Variants in EXOC4 observed in about 807,000 individuals in gnomAD.
EXOC4 encodes SEC8-like 1.
A neutral mutation model predicts 107.2 loss-of-function variants in EXOC4; 71 were observed. The ratio of observed to expected loss-of-function variants is 0.66; its 90% CI spans 0.55 to 0.81. The LOEUF (loss-of-function observed/expected upper bound fraction) is 0.81, where lower values mean the gene tolerates loss of function less well. EXOC4 is among the 30% of genes least tolerant of loss of function. The pLI, the probability that EXOC4 is intolerant of heterozygous loss-of-function variation, is 0.00. For missense variants in EXOC4, 1,108 were observed against 1,189.6 expected, an observed-to-expected ratio of 0.93 and a Z score of 1.01; for synonymous variants, 456 against 441.2, an observed-to-expected ratio of 1.03 and a Z score of -0.42.
intron 11 of EXOC4, among the ~76,000 whole-genome samples, chr7:133,822,603 A>T (rs1563013830): frequency 6.6e-6 from 1 of 152,210 alleles, no homozygotes; most frequent in Non-Finnish European, 1.5e-5. Context: ...TGATTTGTAT[A>T]TACATTAGAG....
chr7:134,085,435 G>T, the EXOC4 span, among the ~76,000 whole-genome samples: 1 of 152,052 alleles, frequency 6.6e-6, no homozygotes, highest in Admixed American at 6.6e-5. Context: ...ATCTTGGTAA[G>T]AATAGCAAAA....
intron 14 of EXOC4, among the ~76,000 whole-genome samples, chr7:133,942,071 C>G (rs565613233): frequency 6.6e-6 from 1 of 152,084 alleles, no homozygotes; most frequent in Non-Finnish European, 1.5e-5. Flanking sequence ...TCTTTTGCAT[C>G]TTATCCTCTT....
the EXOC4 span, among the ~76,000 whole-genome samples, chr7:134,089,364 C>CAAAA: frequency 1.3e-5 from 2 of 152,188 alleles, no homozygotes; most frequent in African/African-American, 4.8e-5. Flanking sequence ...GCATGTAAAA[C>CAAAA]TGTTTTTTAA....
chr7:133,726,005 A>C (rs1197626887), intron 10 of EXOC4, among the ~76,000 whole-genome samples: 1 of 152,228 alleles, frequency 6.6e-6, no homozygotes, highest in Non-Finnish European at 1.5e-5. Context: ...CTTGGATAGA[A>C]GCAGATTTGG....
intron 17 of EXOC4, among the ~76,000 whole-genome samples, chr7:134,058,682 A>G (rs1159469452): frequency 6.7e-6 from 1 of 149,566 alleles, no homozygotes; most frequent in East Asian, 2.0e-4. Context: ...AGAGCTGAGT[A>G]TGGGAATTTT....
intron 7 of EXOC4, among the ~76,000 whole-genome samples, chr7:133,424,221 T>C (rs1194685687): frequency 2.6e-5 from 4 of 152,144 alleles, no homozygotes; most frequent in Non-Finnish European, 4.4e-5. Flanking sequence ...TTGCTGCTGC[T>C]CACTCTTTGG....
chr7:133,648,098 CT>C (rs1231990617), intron 10 of EXOC4, among the ~76,000 whole-genome samples: 5 of 152,124 alleles, frequency 3.3e-5, no homozygotes, highest in African/African-American at 1.2e-4. Flanking sequence ...AACTTAAGGA[CT>C]TTTATTAAAT....
intron 10 of EXOC4, among the ~76,000 whole-genome samples, chr7:133,724,333 G>A (rs1212782769): frequency 6.6e-6 from 1 of 152,218 alleles, no homozygotes; most frequent in Admixed American, 6.5e-5. Context: ...ATATCTGGAA[G>A]CAAGGTCAGT....
intron 14 of EXOC4, among the ~76,000 whole-genome samples, chr7:133,971,357 TATATAGAGAGAGAG>T (rs1430816270): frequency 1.2e-4 from 12 of 100,530 alleles, no homozygotes; most frequent in South Asian, 3.6e-4. Flanking sequence ...TATATATATA[TATATAGAGAGAGAG>T]AGAGAGAGAG....
intron 7 of EXOC4, among the ~76,000 whole-genome samples, chr7:133,423,316 T>TTAATTCTAGAATTCTTCTAGAGAC (rs1797646625): frequency 6.6e-6 from 1 of 152,192 alleles, no homozygotes; most frequent in East Asian, 1.9e-4. Flanking sequence ...CTTCTAGAGA[T>TTAATTCTAGAATTCTTCTAGAGAC]TAATTCTAGA....
intron 7 of EXOC4, among the ~76,000 whole-genome samples, chr7:133,411,853 G>T (rs997823550): frequency 6.6e-6 from 1 of 152,124 alleles, no homozygotes; most frequent in African/African-American, 2.4e-5. Flanking sequence ...CTGTGTCATA[G>T]TGTCAAGTGG....
intron 15 of EXOC4, among the ~76,000 whole-genome samples, chr7:134,003,022 G>C (rs1022344979): frequency 6.6e-6 from 1 of 152,112 alleles, no homozygotes; most frequent in African/African-American, 2.4e-5. Flanking sequence ...ACAAAAATGT[G>C]TACATGAAGT....
chr7:133,690,316 C>T (rs1231413406), intron 10 of EXOC4, among the ~76,000 whole-genome samples: 1 of 152,234 alleles, frequency 6.6e-6, no homozygotes, highest in Non-Finnish European at 1.5e-5. Flanking sequence ...TTAAGATTCA[C>T]TTCACAGCAA....
intron 3 of EXOC4, among the ~76,000 whole-genome samples, chr7:133,294,814 C>T (rs943212800): frequency 6.6e-6 from 1 of 151,866 alleles, no homozygotes; most frequent in African/African-American, 2.4e-5. Flanking sequence ...TAACAAGATC[C>T]TTTGGAATTG....
chr7:134,070,799 C>G (rs55693612), downstream of EXOC4, among the ~76,000 whole-genome samples: 112,212 of 151,486 alleles, frequency 0.74, 41,933 homozygotes, highest in East Asian at 0.87. Context: ...ATAAAAGGAA[C>G]TTAGGTGTTT....
At chr7:133,360,312 T>G (rs892206446) in intron 6 of EXOC4, among the ~76,000 whole-genome samples, 2 of 152,220 alleles carry the variant, frequency 1.3e-5, no homozygotes, top group African/African-American at 4.8e-5. Context: ...ATGTGGTATC[T>G]TGTCAAGAAT....
chr7:133,536,183 G>T (rs1380334420), intron 9 of EXOC4, among the ~76,000 whole-genome samples: 1 of 152,166 alleles, frequency 6.6e-6, no homozygotes, highest in Non-Finnish European at 1.5e-5. Flanking sequence ...CTATTGTGAG[G>T]ATTTGATAGG....
intron 6 of EXOC4, among the ~76,000 whole-genome samples, chr7:133,369,773 C>T (rs1442563599): frequency 1.3e-5 from 2 of 151,624 alleles, no homozygotes; most frequent in African/African-American, 2.4e-5. Context: ...AGATAAAAAC[C>T]CAGCATCTCT....
chr7:134,083,577 T>A, the EXOC4 span, among the ~76,000 whole-genome samples: 7 of 152,144 alleles, frequency 4.6e-5, no homozygotes, highest in Non-Finnish European at 7.4e-5. Flanking sequence ...ATGGCTTCAG[T>A]CACAAGCCTG....
Sources: gnomAD v4.1 joint callset for allele counts (sites outside exome capture counted in the v4.1 genomes callset) on GRCh38, gnomAD v4.1.1 for gene constraint, MANE v1.5 for transcripts, NCBI Gene and HGNC (gene_info 2026-07-23, HGNC 2026-07-21) for gene names.